The following DAB1 variants were observed in gnomAD, a reference collection of about 807,000 sequenced individuals.
DAB1 encodes DAB adaptor protein 1, also known as disabled homolog 1.
DAB1 carries 15 observed loss-of-function variants against 64.6 expected under a neutral mutation model. That is an observed-to-expected ratio of 0.23 (90% CI 0.16 to 0.36). The LOEUF (loss-of-function observed/expected upper bound fraction) is 0.36. Ranked by LOEUF, DAB1 falls within the 10% of genes least tolerant of loss-of-function variation. DAB1 has a pLI of 1.00. For missense variants in DAB1, 596 were observed against 706.7 expected, an observed-to-expected ratio of 0.84 and a Z score of 1.78; for synonymous variants, 235 against 251.9, an observed-to-expected ratio of 0.93 and a Z score of 0.64.
chr1:58,473,800 G>A (rs533605969), intron 3 of DAB1: 1 of 560,718 alleles, frequency 1.8e-6, no homozygotes, highest in Non-Finnish European at 3.2e-6. Flanking sequence ...ACGCTCTGCA[G>A]AGAAAGTCTG....
At chr1:57,226,910 G>T (rs1667309748) in intron 2 of DAB1, among the ~76,000 whole-genome samples, 1 of 151,892 alleles carries the variant, frequency 6.6e-6, no homozygotes, top group Non-Finnish European at 1.5e-5. Flanking sequence ...TGGTGCAGTG[G>T]CTTATGCCTG....
intron 4 of DAB1, among the ~76,000 whole-genome samples, chr1:58,314,697 A>G (rs1662513282): frequency 6.6e-6 from 1 of 152,196 alleles, no homozygotes; most frequent in Non-Finnish European, 1.5e-5. Flanking sequence ...GACTACTGGC[A>G]CTAGGTTACC....
At chr1:57,882,119 GA>G (rs1016077750) in intron 1 of DAB1, among the ~76,000 whole-genome samples, 1 of 152,152 alleles carries the variant, frequency 6.6e-6, no homozygotes, top group Non-Finnish European at 1.5e-5. Flanking sequence ...CAAAGAATAG[GA>G]AGACCCAGAA....
intron 7 of DAB1, among the ~76,000 whole-genome samples, chr1:57,585,357 A>G (rs1051564279): frequency 1.3e-5 from 2 of 151,606 alleles, no homozygotes; most frequent in Non-Finnish European, 2.9e-5. Context: ...AGATTATACC[A>G]CTGTACTGTA....
chr1:57,278,854 T>A (rs1409675197), intron 2 of DAB1, among the ~76,000 whole-genome samples: 1 of 152,166 alleles, frequency 6.6e-6, no homozygotes, highest in African/African-American at 2.4e-5. Flanking sequence ...CTTTCCAGCT[T>A]CTCACCTTCC....
In DAB1 at chr1:58,507,716, T is replaced by C. The variant is rs894266289; in HGVS notation, n.108-1507A>G. Among the ~76,000 whole-genome samples the C allele has an allele frequency of 1.2e-4, 18 of 152,250 alleles. No individual in the cohort carries two copies. The East Asian group carries it at 1.3e-3, about 11-fold the overall frequency. Reference sequence around the variant, plus strand: ...TGTGCTTATGTGTAAAATATGTATGTAACATATGTATCTATAAAGAAATAA... The same window carrying C: ...TGTGCTTATGTGTAAAATATGTATGCAACATATGTATCTATAAAGAAATAA... On this transcript the variant is annotated intron_variant and non_coding_transcript_variant, in intron 2 of 20. Transcript: ENST00000485760.
chr1:57,276,759 C>A (rs1671502419), intron 2 of DAB1, among the ~76,000 whole-genome samples: 1 of 152,184 alleles, frequency 6.6e-6, no homozygotes, highest in South Asian at 2.1e-4. Flanking sequence ...AATCTCACAA[C>A]CTCTGGGAAG....
chr1:57,878,786 C>T (rs890420727), intron 1 of DAB1: 1 of 152,118 alleles, frequency 6.6e-6, no homozygotes, highest in Non-Finnish European at 1.5e-5. Context: ...TCCTATCTAG[C>T]TGTAATTTTG....
intron 8 of DAB1, 68 bp downstream of exon 8, chr1:57,069,292 A>T: frequency 1.5e-6 from 2 of 1,293,360 alleles, no homozygotes; most frequent in Non-Finnish European, 2.2e-6. Context: ...TTGGTTCTTT[A>T]GACTATCAGT....
intron 6 of DAB1, 33 bp downstream of exon 6, chr1:57,071,489 A>T: frequency 1.3e-5 from 20 of 1,595,026 alleles, no homozygotes; most frequent in Non-Finnish European, 1.7e-5. Flanking sequence ...TGAAGGCCCG[A>T]TCTCCAGCGC....
At chr1:57,541,917 G>C (rs1644807200) in intron 7 of DAB1, among the ~76,000 whole-genome samples, 1 of 152,156 alleles carries the variant, frequency 6.6e-6, no homozygotes, top group African/African-American at 2.4e-5. Flanking sequence ...GGGCAGAAAT[G>C]GTTTTAAACC....
intron 6 of DAB1, among the ~76,000 whole-genome samples, chr1:57,760,601 T>TTCTCTCTCTCTCTC (rs140338730): frequency 1.9e-4 from 20 of 105,396 alleles, no homozygotes; most frequent in African/African-American, 8.1e-4. Context: ...CTCAACTTCT[T>TTCTCTCTCTCTCTC]TCTCTCTCTC....
chr1:57,290,524 G>A (rs914352466), intron 2 of DAB1, among the ~76,000 whole-genome samples: 76 of 152,146 alleles, frequency 5.0e-4, no homozygotes, highest in African/African-American at 1.8e-3. Flanking sequence ...ATATCTGGAG[G>A]GTAAACAGGG....
intron 3 of DAB1, among the ~76,000 whole-genome samples, chr1:58,376,232 G>T (rs572359128): frequency 6.9e-6 from 1 of 145,348 alleles, no homozygotes; most frequent in African/African-American, 2.5e-5. Flanking sequence ...TTTTGAATGT[G>T]TTTGCTCTTG....
chr1:57,563,975 T>A (rs958079639), intron 7 of DAB1, among the ~76,000 whole-genome samples: 5 of 152,146 alleles, frequency 3.3e-5, no homozygotes, highest in African/African-American at 1.2e-4. Context: ...GATCTGAGAA[T>A]GGAGAGACTG....
intron 1 of DAB1, among the ~76,000 whole-genome samples, chr1:57,323,918 A>C (rs1256573945): frequency 1.3e-5 from 2 of 152,046 alleles, no homozygotes; most frequent in Non-Finnish European, 2.9e-5. Flanking sequence ...GATAGGTATT[A>C]GTATTTGCTG....
intron 6 of DAB1, among the ~76,000 whole-genome samples, chr1:57,696,093 C>T (rs1426998214): frequency 6.6e-6 from 1 of 151,972 alleles, no homozygotes; most frequent in African/African-American, 2.4e-5. Context: ...CCTCTTCCTC[C>T]TTCTTCTGTT....
chr1:58,077,177 T>C (rs1649707428), intron 5 of DAB1, among the ~76,000 whole-genome samples: 1 of 152,046 alleles, frequency 6.6e-6, no homozygotes, highest in Admixed American at 6.5e-5. Flanking sequence ...CATCAGTGGG[T>C]CACTTGCCAC....
intron 3 of DAB1, among the ~76,000 whole-genome samples, chr1:58,440,201 C>G (rs534542073): frequency 6.6e-6 from 1 of 152,312 alleles, no homozygotes; most frequent in South Asian, 2.1e-4. Flanking sequence ...ACTTTCATGC[C>G]GGGCTTCACC....
Sources: gnomAD v4.1 joint callset for allele counts (sites outside exome capture counted in the v4.1 genomes callset) on GRCh38, gnomAD v4.1.1 for gene constraint, MANE v1.5 for transcripts, NCBI Gene and HGNC (gene_info 2026-07-23, HGNC 2026-07-21) for gene names.